The following KCNN2 variants were observed in gnomAD, a reference collection of about 807,000 sequenced individuals.
KCNN2 encodes small conductance calcium-activated potassium channel protein 2.
A neutral mutation model predicts 55.5 loss-of-function variants in KCNN2; 24 were observed. The ratio of observed to expected loss-of-function variants is 0.43; its 90% CI spans 0.31 to 0.61. The LOEUF (loss-of-function observed/expected upper bound fraction) is 0.61, where lower values mean the gene tolerates loss of function less well. Among genes scored for constraint, KCNN2 ranks in the 20% least tolerant of loss-of-function variants. KCNN2 has a pLI of 0.08. For missense variants in KCNN2, 754 were observed against 853.6 expected (o/e 0.88, Z 1.45); for synonymous variants, 431 against 336.1 (o/e 1.28, Z -3.09).
At chr5:114,284,793 C>T (rs1002764822) in intron 2 of KCNN2, among the ~76,000 whole-genome samples, 1 of 151,838 alleles carries the variant, frequency 6.6e-6, no homozygotes, top group African/African-American at 2.4e-5. Flanking sequence ...GCTAGGATTA[C>T]AGGCGTCAGC....
chr5:114,218,374 T>C (rs948076533), intron 1 of KCNN2, among the ~76,000 whole-genome samples: 2 of 152,162 alleles, frequency 1.3e-5, no homozygotes, highest in African/African-American at 2.4e-5. Flanking sequence ...AAATAAACTA[T>C]GGTATATCCA....
At chr5:114,275,388 G>C (rs904801785) in intron 2 of KCNN2, among the ~76,000 whole-genome samples, 1 of 152,144 alleles carries the variant, frequency 6.6e-6, no homozygotes, top group African/African-American at 2.4e-5. Flanking sequence ...TCTATTGATT[G>C]GAATAGTTTC....
chr5:114,483,851 G>A (rs1035029994), intron 5 of KCNN2, among the ~76,000 whole-genome samples: 16 of 151,828 alleles, frequency 1.1e-4, no homozygotes, highest in Non-Finnish European at 2.1e-4. Context: ...ATTGGCCATA[G>A]AATTATTATA....
At chr5:114,379,300 C>T (rs1326188818) in intron 2 of KCNN2, among the ~76,000 whole-genome samples, 1 of 151,900 alleles carries the variant, frequency 6.6e-6, no homozygotes, top group Non-Finnish European at 1.5e-5. Context: ...CCTTAGTGTC[C>T]TTGGCATTAC....
intron 1 of KCNN2, among the ~76,000 whole-genome samples, chr5:114,068,700 C>T (rs759500213): frequency 9.2e-5 from 14 of 152,342 alleles, no homozygotes; most frequent in Non-Finnish European, 1.5e-4. Flanking sequence ...GAACTTAATG[C>T]ATCATGGAGT....
chr5:114,370,503 G>C (rs1757730601), intron 2 of KCNN2, among the ~76,000 whole-genome samples: 2 of 152,032 alleles, frequency 1.3e-5, no homozygotes, highest in African/African-American at 2.4e-5. Context: ...CTAGAGGAGA[G>C]ACAAAGGGCT....
chr5:114,075,956 G>T (rs2721311), intron 1 of KCNN2, among the ~76,000 whole-genome samples: 126,342 of 152,242 alleles, frequency 0.83, 52,985 homozygotes, highest in Non-Finnish European at 0.9. Flanking sequence ...GAAACACCTA[G>T]TTGTTCCCAG....
At chr5:114,455,697 G>T (rs1030411098) in intron 3 of KCNN2, among the ~76,000 whole-genome samples, 1 of 152,230 alleles carries the variant, frequency 6.6e-6, no homozygotes, top group Non-Finnish European at 1.5e-5. Context: ...GAATGCAAAG[G>T]AAAAGTTGAA....
chr5:114,259,879 A>G (rs968430066), intron 2 of KCNN2, among the ~76,000 whole-genome samples: 1 of 152,102 alleles, frequency 6.6e-6, no homozygotes, highest in Non-Finnish European at 1.5e-5. Context: ...TCAACTTATG[A>G]TTATTCACTG....
At chr5:114,296,461 A>G (rs1251086139) in intron 2 of KCNN2, among the ~76,000 whole-genome samples, 4 of 152,232 alleles carry the variant, frequency 2.6e-5, no homozygotes, top group Non-Finnish European at 5.9e-5. Context: ...TAGAAGAGAA[A>G]GTCTCATTGC....
chr5:114,251,765 T>C (rs1002544557), intron 2 of KCNN2, among the ~76,000 whole-genome samples: 3 of 151,870 alleles, frequency 2.0e-5, no homozygotes, highest in Admixed American at 1.3e-4. Context: ...GTAGATTCTT[T>C]TAATTCTTCT....
At chr5:114,264,292 A>G (rs1342908848) in intron 2 of KCNN2, among the ~76,000 whole-genome samples, 4 of 152,108 alleles carry the variant, frequency 2.6e-5, no homozygotes, top group Non-Finnish European at 5.9e-5. Context: ...TATAATCTAC[A>G]CTTTTATTAT....
intron 1 of KCNN2, among the ~76,000 whole-genome samples, chr5:114,205,179 CA>C (rs201295587): frequency 0.029 from 4,483 of 152,066 alleles, 222 homozygotes; most frequent in African/African-American, 0.1. Context: ...AGTTGCTGTG[CA>C]ACACAAACTG....
intron 1 of KCNN2, among the ~76,000 whole-genome samples, chr5:114,100,003 G>T (rs896021644): frequency 1.3e-5 from 2 of 151,924 alleles, no homozygotes; most frequent in Non-Finnish European, 2.9e-5. Flanking sequence ...AATCTATCAT[G>T]TTATAATATC....
chr5:114,077,249 G>A (rs1750702085), intron 1 of KCNN2, among the ~76,000 whole-genome samples: 1 of 152,216 alleles, frequency 6.6e-6, no homozygotes, highest in African/African-American at 2.4e-5. Flanking sequence ...GACTTTCAGT[G>A]GAAACTTACA....
chr5:114,234,384 A>G (rs1561533858), intron 2 of KCNN2, among the ~76,000 whole-genome samples: 1 of 152,240 alleles, frequency 6.6e-6, no homozygotes, highest in African/African-American at 2.4e-5. Flanking sequence ...GGACTGAGAC[A>G]GACATGCACA....
intron 2 of KCNN2, among the ~76,000 whole-genome samples, chr5:114,298,746 A>G (rs558077242): frequency 4.7e-4 from 72 of 152,308 alleles, no homozygotes; most frequent in African/African-American, 1.7e-3. Context: ...CCAAAATTCT[A>G]TAATTCAAAT....
chr5:114,317,688 A>T (rs1756526741), intron 2 of KCNN2, among the ~76,000 whole-genome samples: 2 of 152,216 alleles, frequency 1.3e-5, no homozygotes, highest in Non-Finnish European at 2.9e-5. Flanking sequence ...TCTTAGAGTG[A>T]GGAGGAATTT....
chr5:114,420,898 T>G (rs899217353), intron 3 of KCNN2, among the ~76,000 whole-genome samples: 1 of 152,176 alleles, frequency 6.6e-6, no homozygotes, highest in African/African-American at 2.4e-5. Context: ...ACTATCATTT[T>G]ATGGCAATTT....
Sources: allele counts gnomAD v4.1 joint callset (sites outside exome capture counted in the v4.1 genomes callset), GRCh38; gene constraint gnomAD v4.1.1; transcripts MANE v1.5; gene names NCBI Gene and HGNC (gene_info 2026-07-23, HGNC 2026-07-21).